RSPH6A: variants seen among roughly 807,000 people sequenced by gnomAD.
RSPH6A encodes radial spoke head 6 homolog A.
In RSPH6A, 49 loss-of-function variants were observed where a neutral mutation model predicts 66.1. That is an observed-to-expected ratio of 0.74 (90% CI 0.59 to 0.94). RSPH6A has a LOEUF of 0.94. RSPH6A is among the 40% of genes least tolerant of loss of function. The pLI, the probability that RSPH6A is intolerant of heterozygous loss-of-function variation, is 0.00. For missense variants in RSPH6A, 977 were observed against 948.3 expected (o/e 1.03, Z -0.40); for synonymous variants, 419 against 402.4 (o/e 1.04, Z -0.49).
rs778762517 is a variant in RSPH6A at position 45,814,754 on chromosome 19, G to C, written c.423C>G (p.Pro141=). 1 of 1,613,848 alleles carries C rather than the reference G, an allele frequency of 6.2e-7. No homozygotes were observed. The highest frequency in any genetic ancestry group is 8.5e-7 in the Non-Finnish European group (1 of 1,179,868). The change falls in exon 1 of 6, where the codon CCC becomes CCG. Residue 141 remains proline (P), a synonymous_variant. Transcript: ENST00000221538. Reference sequence around the variant, plus strand: ...TGAACTGGCCCAAGGGGTTGACTGGGGGCTCCTGGAAGGTGGGGTCCAGTT... The same window carrying C: ...TGAACTGGCCCAAGGGGTTGACTGGCGGCTCCTGGAAGGTGGGGTCCAGTT... ...FQQLDPTFQE[P]PVNPLGQFNL... is the part of the protein sequence containing the mutation.
Position 45,804,490 on chromosome 19 carries a change from G to A in RSPH6A, c.1415C>T (p.Pro472Leu). The A allele has an allele frequency of 6.2e-7, 1 of 1,614,198 alleles. No homozygotes were observed. Among genetic ancestry groups the A allele is most frequent in the African/African-American group, 1.3e-5 (1 of 75,074 alleles). The change falls in exon 3 of 6, where the codon CCC (proline) becomes CTC (leucine). Residue 472 changes from proline to leucine, a missense_variant. Coordinates refer to ENST00000221538, the MANE Select transcript of RSPH6A (RefSeq NM_030785.4). The surrounding 1 kb of genome is among the most constrained non-coding windows in gnomAD (Gnocchi z 5.8). ...YLDTPVVSYP[P>L]FPGNEANYLR... ...GTAGTTGGCCTCGTTGCCCGGGAAGGGTGGGTAGCTGACGACTGGCGTGTC... is the reference window on the plus strand; with the variant it reads ...GTAGTTGGCCTCGTTGCCCGGGAAGAGTGGGTAGCTGACGACTGGCGTGTC...
Position 45,815,142 on chromosome 19 carries a change from G to A in RSPH6A, c.35C>T (p.Ala12Val). The A allele has an allele frequency of 6.2e-7, 1 of 1,610,246 alleles. No homozygotes were observed. The highest frequency in any genetic ancestry group is 8.5e-7 in the Non-Finnish European group (1 of 1,179,726). ...AGTCCTCCGGCCCGGAGGCTGCTGG[G>A]CAGGGCGCTCAGGGTAGGGCGGCAG... ...GDLPPYPERP[A>V]QQPPGRRTSQ... Residue 12 changes from alanine to valine, a missense_variant, in exon 1 of 6, where the codon GCC (alanine) becomes GTC (valine). Physicochemically the swap from Ala to Val is moderately conservative, Grantham distance 64 (BLOSUM62 0). Coordinates refer to ENST00000221538, the MANE Select transcript of RSPH6A (RefSeq NM_030785.4).
chr19:45,799,718 G>T (rs1324864690), intron 5 of RSPH6A, among the ~76,000 whole-genome samples: 1 of 152,026 alleles, frequency 6.6e-6, no homozygotes, highest in African/African-American at 2.4e-5. Flanking sequence ...TGGTGGGAGG[G>T]AAGGTTTCTG....
chr19:45,800,404 C>A, intron 5 of RSPH6A, 42 bp downstream of exon 5: 1 of 1,577,232 alleles, frequency 6.3e-7, no homozygotes, highest in Non-Finnish European at 8.7e-7. Context: ...TGAAGAAGTC[C>A]TGAGAGATTC....
chr19:45,796,176 T>C, intron 5 of RSPH6A, 70 bp from the exon 6 acceptor site: 1 of 1,266,636 alleles, frequency 7.9e-7, no homozygotes, highest in Non-Finnish European at 1.1e-6. Flanking sequence ...TTTTTTTTTT[T>C]TTGAGATGGA....
intron 1 of RSPH6A, among the ~76,000 whole-genome samples, chr19:45,813,465 T>A (rs1459203947): frequency 6.6e-6 from 1 of 152,086 alleles, no homozygotes; most frequent in Non-Finnish European, 1.5e-5. Flanking sequence ...TGCCTCAACC[T>A]CCCGAGGAGC....
At chr19:45,800,644 G>A in intron 4 of RSPH6A, 81 bp from the exon 5 acceptor site, 4 of 1,227,332 alleles carry the variant, frequency 3.3e-6, no homozygotes, top group Non-Finnish European at 4.5e-6. Flanking sequence ...AGGAAGGAAG[G>A]CAGCAGTGAG....
chr19:45,804,119 T>A lies in RSPH6A; in HGVS notation c.1653+133A>T. ...TATCCGCTAATATCTGTTGAACCAATGAATGGATGGATGAATGAACGAATG... is the reference window on the plus strand; with the variant it reads ...TATCCGCTAATATCTGTTGAACCAAAGAATGGATGGATGAATGAACGAATG... On this transcript the variant is annotated intron_variant, in intron 3 of 5. Coordinates refer to ENST00000221538, the MANE Select transcript of RSPH6A (RefSeq NM_030785.4). The surrounding 1 kb of genome is among the most constrained non-coding windows in gnomAD (Gnocchi z 5.8). The A allele has an allele frequency of 1.4e-6, 1 of 700,370 alleles. No individual in the cohort carries two copies. The highest frequency in any genetic ancestry group is 3.1e-5 in the Admixed American group (1 of 32,472). The allele number at this position is 700,370 out of a possible 1,614,324, so 43.4% of individuals were successfully genotyped here. A position where few individuals can be genotyped will look rare whatever the true frequency, so the allele number is the denominator to read the frequency against.
rs1163640253 is a variant in RSPH6A at position 45,815,143 on chromosome 19, C to G, written c.34G>C (p.Ala12Pro). The G allele has an allele frequency of 1.2e-6, 2 of 1,609,538 alleles. No individual in the cohort carries two copies. The highest frequency in any genetic ancestry group is 2.2e-5 in the South Asian group (2 of 90,940). The change falls in exon 1 of 6, where the codon GCC becomes CCC. Residue 12 changes from alanine to proline, a missense_variant. Ala to Pro is a conservative substitution (Grantham distance 27). Transcript: ENST00000221538. ...GDLPPYPERP[A>P]QQPPGRRTSQ... ...GTCCTCCGGCCCGGAGGCTGCTGGG[C>G]AGGGCGCTCAGGGTAGGGCGGCAGG...
chr19:45,798,539 CAAA>C (rs35898926), intron 5 of RSPH6A, among the ~76,000 whole-genome samples: 17 of 100,222 alleles, frequency 1.7e-4, no homozygotes, highest in African/African-American at 1.2e-4. Flanking sequence ...GACCCTATCT[CAAA>C]AAAAAAAAAA....
intron 5 of RSPH6A, among the ~76,000 whole-genome samples, chr19:45,797,180 G>C (rs1754656877): frequency 6.6e-6 from 1 of 151,576 alleles, no homozygotes; most frequent in Admixed American, 6.6e-5. Context: ...ATCGAGACCA[G>C]CCTAGCTAAC....
chr19:45,802,187 A>G lies in RSPH6A; in HGVS notation c.1731T>C (p.Asp577=). 6.4e-7 allele frequency: 1 copy of G among 1,556,110 alleles called. No individual in the cohort carries two copies. The highest frequency in any genetic ancestry group is 1.2e-5 in the South Asian group (1 of 83,798). Residue 577 remains aspartate (D), a synonymous_variant, in exon 4 of 6, where the codon GAT becomes GAC. Transcript: ENST00000221538. ...CCTGCTCCACCTCCTCTGGCCCCTC[A>G]TCTGCCTTCTCTTCCTCCTCCCCCA... ...EDLGEEEEKA[D]EGPEEVEQEV... is the part of the protein sequence containing the mutation.
intron 2 of RSPH6A, among the ~76,000 whole-genome samples, chr19:45,806,754 G>A (rs978514649): frequency 2.8e-5 from 4 of 144,932 alleles, no homozygotes; most frequent in African/African-American, 7.6e-5. Flanking sequence ...AAGAAGAAGT[G>A]TAATGTACAT....
intron 1 of RSPH6A, among the ~76,000 whole-genome samples, chr19:45,813,412 C>T (rs1373264579): frequency 5.3e-5 from 8 of 151,964 alleles, no homozygotes; most frequent in South Asian, 2.1e-4. Context: ...GGCACGATCT[C>T]GGCTCACTGC....
chr19:45,799,225 T>C (rs1970440901), intron 5 of RSPH6A, among the ~76,000 whole-genome samples: 1 of 152,168 alleles, frequency 6.6e-6, no homozygotes, highest in South Asian at 2.1e-4. Context: ...ACAAAGCTGG[T>C]AGGTGCGCCC....
In RSPH6A at chr19:45,809,535, C is replaced by T. The variant is rs1423777838; in HGVS notation, c.888+1068G>A. Among the ~76,000 whole-genome samples the T allele has an allele frequency of 3.3e-5, 5 of 151,982 alleles. No homozygotes were observed. The South Asian group carries it at 8.3e-4, about 25-fold the overall frequency. ...CAGGATGGTCTTGATCTCCTGACCTCGTGAACCACCCGCCTCAGCCTCCCA... is the reference window on the plus strand; with the variant it reads ...CAGGATGGTCTTGATCTCCTGACCTTGTGAACCACCCGCCTCAGCCTCCCA... On this transcript the variant is annotated intron_variant, in intron 2 of 5. Coordinates refer to ENST00000221538, the MANE Select transcript of RSPH6A (RefSeq NM_030785.4).
At position 45,815,079 on chromosome 19, in the gene RSPH6A, G is replaced by A. The variant is rs775107351; in HGVS notation, c.98C>T (p.Ala33Val). Reference sequence around the variant, plus strand: ...CTCGGGGTCCGCTGCCAGGGCCTGAGCTTGGTCCCGACTGTGCCGCCTCTG... The same window carrying A: ...CTCGGGGTCCGCTGCCAGGGCCTGAACTTGGTCCCGACTGTGCCGCCTCTG... Reference protein sequence around the residue: ...ASQRRHSRDQAQALAADPEER... With the variant: ...ASQRRHSRDQVQALAADPEER... The change falls in exon 1 of 6, where the codon GCT becomes GTT. Residue 33 changes from alanine (A) to valine (V), a missense_variant. Physicochemically the swap from Ala to Val is moderately conservative, Grantham distance 64 (BLOSUM62 0). Transcript: ENST00000221538. 2 of 1,613,292 alleles carry A rather than the reference G, an allele frequency of 1.2e-6. No homozygotes were observed. The highest frequency in any genetic ancestry group is 4.5e-5 in the East Asian group (2 of 44,878).
intron 2 of RSPH6A, among the ~76,000 whole-genome samples, chr19:45,808,193 G>A (rs1000099188): frequency 8.5e-5 from 13 of 152,196 alleles, no homozygotes; most frequent in Non-Finnish European, 1.5e-4. Context: ...TTGGGAGGCC[G>A]AGGCGGACAG....
rs1238081697 is a variant in RSPH6A, at chr19:45,811,437, A to G, written c.651-597T>C. 2.6e-5 allele frequency among the ~76,000 whole-genome samples: 4 copies of G among 151,434 alleles called. No individual in the cohort carries two copies. In the South Asian group the frequency reaches 6.3e-4, roughly 24 times the overall value. On this transcript the variant is annotated intron_variant, in intron 1 of 5. Coordinates refer to ENST00000221538, the MANE Select transcript of RSPH6A (RefSeq NM_030785.4). ...GGGATGGGAGAAGGTTTGCAATTTT[A>G]TTTTTTTAATTTATTTTTCAGAGGA...
Sources: allele counts gnomAD v4.1 joint callset (sites outside exome capture counted in the v4.1 genomes callset), GRCh38; gene constraint gnomAD v4.1.1; non-coding constraint Gnocchi (gnomAD v3.1); transcripts MANE v1.5; gene names NCBI Gene and HGNC (gene_info 2026-07-23, HGNC 2026-07-21).